The following GNL3L variants were observed in gnomAD, a reference collection of about 807,000 sequenced individuals.
GNL3L encodes the protein G protein nucleolar 3 like.
A neutral mutation model predicts 42.9 loss-of-function variants in GNL3L; 4 were observed. That is an observed-to-expected ratio of 0.09 (90% CI 0.05 to 0.21). The LOEUF (loss-of-function observed/expected upper bound fraction) is 0.21, where lower values mean the gene tolerates loss of function less well. GNL3L is among the 10% of genes least tolerant of loss of function. The pLI, the probability that GNL3L is intolerant of heterozygous loss-of-function variation, is 1.00. For missense variants in GNL3L, 412 were observed against 481.7 expected (o/e 0.86, Z 1.36); for synonymous variants, 159 against 176.3 (o/e 0.90, Z 0.78).
chrX:54,604,337 G>A (rs1428495801), intron 16 of GNL3L, among the ~76,000 whole-genome samples: 1 of 111,682 alleles, frequency 9.0e-6, no homozygotes, highest in African/African-American at 3.3e-5. Flanking sequence ...CAAGTCATTT[G>A]GGAATAAATG....
intron 8 of GNL3L, 144 bp downstream of exon 8, chrX:54,544,470 C>CT (rs869256708): frequency 0.053 from 17,002 of 320,453 alleles, 4 homozygotes; most frequent in East Asian, 0.064. Context: ...CACCGAGTGA[C>CT]TTTTTTTTTT....
At chrX:54,558,084 G>A (rs1227795353) in intron 14 of GNL3L, among the ~76,000 whole-genome samples, 6 of 110,104 alleles carry the variant, frequency 5.4e-5, no homozygotes, top group Admixed American at 1.9e-4. Flanking sequence ...GGGTTTCATC[G>A]TGTTGGCCAG....
rs1924707465 is a variant in GNL3L, at chrX:54,544,263, C to T, written c.567C>T (p.Tyr189=). Residue 189 remains tyrosine (Y), a synonymous_variant, in exon 8 of 16, where the codon TAC becomes TAT. Coordinates refer to ENST00000360845, the MANE Select transcript of GNL3L (RefSeq NM_001184819.2). ...AGGTTGTGGAGAAATGGCTGGATTA[C>T]CTTCGGAATGAGTTGCCAACCGTGG... The part of the protein sequence containing the change: ...PKEVVEKWLD[Y]LRNELPTVAF... 1 of 1,196,265 alleles carries T rather than the reference C, an allele frequency of 8.4e-7. No individual in the cohort carries two copies. The highest frequency in any genetic ancestry group is 1.1e-6 in the Non-Finnish European group (1 of 883,816).
At chrX:54,622,472 A>G (rs1404053757), downstream of GNL3L, among the ~76,000 whole-genome samples, 3 of 106,977 alleles carry the variant, frequency 2.8e-5, no homozygotes, top group Non-Finnish European at 5.8e-5. Context: ...TTTAGTAGAG[A>G]TGGGGTTTCA....
chrX:54,547,772 G>A (rs1378724378), intron 8 of GNL3L, among the ~76,000 whole-genome samples: 1 of 111,818 alleles, frequency 8.9e-6, no homozygotes, highest in Non-Finnish European at 1.9e-5. Context: ...AGGAGTAAAG[G>A]TTGGGATGGC....
At chrX:54,623,933 T>C (rs1053703692), downstream of GNL3L, among the ~76,000 whole-genome samples, 4 of 110,292 alleles carry the variant, frequency 3.6e-5, no homozygotes, top group Admixed American at 9.6e-5. Context: ...TTTTTTTTTT[T>C]CCCTTGAGAC....
At chrX:54,623,982 G>A (rs185427188), downstream of GNL3L, among the ~76,000 whole-genome samples, 26 of 108,666 alleles carry the variant, frequency 2.4e-4, no homozygotes, top group African/African-American at 8.4e-4. Context: ...CTGCAGTGGC[G>A]TGAGCTCAGC....
In GNL3L at chrX:54,561,935, C is replaced by T. The variant is rs1460876736; in HGVS notation, c.*1333C>T. Among the ~76,000 whole-genome samples the T allele has an allele frequency of 8.9e-6, 1 of 112,242 alleles. No homozygotes were observed. The highest frequency in any genetic ancestry group is 1.9e-5 in the Non-Finnish European group (1 of 53,171). On this transcript the variant is annotated 3_prime_UTR_variant, in exon 16 of 16. Coordinates refer to ENST00000360845, the MANE Select transcript of GNL3L (RefSeq NM_001184819.2). ...AGGGTAGATGATTGCAACTGAAACACAATCTTCTTTCTTTGCCAGGGTATT... is the reference window on the plus strand; with the variant it reads ...AGGGTAGATGATTGCAACTGAAACATAATCTTCTTTCTTTGCCAGGGTATT...
chrX:54,540,266 A>G (rs1362756546), intron 4 of GNL3L, 24 bp downstream of exon 4: 1 of 990,144 alleles, frequency 1.0e-6, no homozygotes, highest in East Asian at 3.0e-5. Context: ...CTTGGTGGGG[A>G]GAGAGAGGGC....
intron 16 of GNL3L, among the ~76,000 whole-genome samples, chrX:54,607,949 T>A (rs1450247625): frequency 8.9e-6 from 1 of 112,271 alleles, no homozygotes; most frequent in East Asian, 2.8e-4. Context: ...TACTGTTACA[T>A]GGGCCAACGT....
chrX:54,607,090 T>TTTC (rs1926100915), intron 16 of GNL3L, among the ~76,000 whole-genome samples: 6 of 62,054 alleles, frequency 9.7e-5, no homozygotes, highest in African/African-American at 3.2e-4. Context: ...TTCTTCTTTC[T>TTTC]TTCTTTCTTT....
At chrX:54,534,544 C>T (rs1436515916) in intron 2 of GNL3L, among the ~76,000 whole-genome samples, 1 of 111,566 alleles carries the variant, frequency 9.0e-6, no homozygotes, top group Non-Finnish European at 1.9e-5. Flanking sequence ...TTAGCGAATA[C>T]AGAGATCTGC....
intron 13 of GNL3L, among the ~76,000 whole-genome samples, 199 bp downstream of exon 13, chrX:54,552,627 G>T (rs1233195205): frequency 8.9e-6 from 1 of 111,891 alleles, no homozygotes; most frequent in Non-Finnish European, 1.9e-5. Context: ...GGTTGGGGGA[G>T]GGTGGTTGTG....
chrX:54,592,084 A>T (rs1054030325), intron 16 of GNL3L, among the ~76,000 whole-genome samples: 1 of 111,095 alleles, frequency 9.0e-6, no homozygotes, highest in Non-Finnish European at 1.9e-5. Context: ...TGTAGATGGG[A>T]TTACTTTTTT....
chrX:54,637,253 T>A, the GNL3L span, among the ~76,000 whole-genome samples: 1 of 111,471 alleles, frequency 9.0e-6, no homozygotes, highest in African/African-American at 3.3e-5. Flanking sequence ...TTTTTCATTG[T>A]ACATATTATG....
intron 2 of GNL3L, among the ~76,000 whole-genome samples, chrX:54,538,743 C>G (rs1030531868): frequency 3.6e-5 from 4 of 111,734 alleles, no homozygotes; most frequent in Non-Finnish European, 7.5e-5. Context: ...GAGTTTCCCC[C>G]AGTAGGAAGT....
chrX:54,532,879 G>A (rs1276249735), intron 2 of GNL3L, among the ~76,000 whole-genome samples: 1 of 111,177 alleles, frequency 9.0e-6, no homozygotes. Context: ...GGCTGGTCTC[G>A]AACTCCTGAC....
Position 54,546,489 on chromosome X carries a change from C to T in GNL3L, c.631-1740C>T, listed in dbSNP as rs763598651. ...ACCTAGACACTGATGAATCACCCTC[C>T]GTGATGGCTGTACCAATTTATACTC... On this transcript the variant is annotated intron_variant, in intron 8 of 15. Transcript: ENST00000360845. Among the ~76,000 whole-genome samples the T allele has an allele frequency of 1.4e-4, 16 of 111,541 alleles. No homozygotes were observed. The South Asian group carries it at 4.1e-3, about 29-fold the overall frequency.
chrX:54,569,615 C>T (rs763884727), downstream of GNL3L, among the ~76,000 whole-genome samples: 1 of 112,142 alleles, frequency 8.9e-6, no homozygotes, highest in South Asian at 3.7e-4. Context: ...TGTGATACCA[C>T]ATTTGTCATT....
Sources: gnomAD v4.1 joint callset for allele counts (sites outside exome capture counted in the v4.1 genomes callset) on GRCh38, gnomAD v4.1.1 for gene constraint, MANE v1.5 for transcripts, NCBI Gene and HGNC (gene_info 2026-07-23, HGNC 2026-07-21) for gene names.